COL16A1: variants seen among roughly 807,000 people sequenced by gnomAD.
COL16A1 encodes the protein collagen type XVI alpha 1 chain.
A neutral mutation model predicts 266.3 loss-of-function variants in COL16A1; 189 were observed. That is an observed-to-expected ratio of 0.71 (90% confidence interval 0.63 to 0.80). COL16A1 has a LOEUF of 0.80. COL16A1 is among the 30% of genes least tolerant of loss of function. The pLI is 0.00. For missense variants in COL16A1, 1,928 were observed against 2,122.4 expected, an observed-to-expected ratio of 0.91 and a Z score of 1.80; for synonymous variants, 740 against 782.3, an observed-to-expected ratio of 0.95 and a Z score of 0.90.
chr1:31,698,592 C>T lies in COL16A1; in HGVS notation c.281G>A (p.Arg94Gln). 1 of 1,613,782 alleles carries T rather than the reference C, an allele frequency of 6.2e-7. No individual in the cohort carries two copies. The highest frequency in any genetic ancestry group is 8.5e-7 in the Non-Finnish European group (1 of 1,179,946). ...VTQPTRRVFP[R>Q]GLPEEFALVL... ...CAGGGCAAACTCCTCCGGGAGACCCCGAGGGAATACTCTTCTGGAGATGGA... is the reference window on the plus strand; with the variant it reads ...CAGGGCAAACTCCTCCGGGAGACCCTGAGGGAATACTCTTCTGGAGATGGA... The change falls in exon 5 of 71, where the codon CGG becomes CAG. Residue 94 changes from arginine (R) to glutamine (Q), a missense_variant. Coordinates refer to ENST00000373672, the MANE Select transcript of COL16A1 (RefSeq NM_001856.4). The surrounding 1 kb of genome is among the most constrained non-coding windows in gnomAD (Gnocchi z 4.1).
In COL16A1 at chr1:31,652,631, C is replaced by A; in HGVS notation, c.*20G>T. The A allele has an allele frequency of 1.9e-6, 3 of 1,550,214 alleles. No homozygotes were observed. The highest frequency in any genetic ancestry group is 2.6e-6 in the Non-Finnish European group (3 of 1,153,208). Reference sequence around the variant, plus strand: ...ATTTATTCCCAACGGAGTCTTTCATCCAAAGGCAGGTGGGGAATTTCAGCC... The same window carrying A: ...ATTTATTCCCAACGGAGTCTTTCATACAAAGGCAGGTGGGGAATTTCAGCC... On this transcript the variant is annotated 3_prime_UTR_variant, in exon 71 of 71. Transcript: ENST00000373672. This position sits in a 1 kb window ranked among gnomAD's most constrained non-coding sequence, Gnocchi z 4.8.
intron 46 of COL16A1, 37 bp downstream of exon 46, chr1:31,672,559 T>C: frequency 6.8e-6 from 11 of 1,612,574 alleles, no homozygotes; most frequent in Non-Finnish European, 8.5e-6. Context: ...CTGTGGGGCA[T>C]GGGGCATGAT....
chr1:31,687,254 C>T (rs1432163227), intron 26 of COL16A1, among the ~76,000 whole-genome samples: 5 of 151,998 alleles, frequency 3.3e-5, no homozygotes, highest in South Asian at 2.1e-4. Context: ...TGGTGGTGCA[C>T]GCCTGTAATC....
intron 10 of COL16A1, among the ~76,000 whole-genome samples, chr1:31,695,455 C>T (rs139108060): frequency 6.8e-6 from 1 of 148,056 alleles, no homozygotes; most frequent in African/African-American, 2.5e-5. Context: ...GCAATATGCC[C>T]CAGGTCACAC....
rs775057990 is a variant in COL16A1 at position 31,688,443 on chromosome 1, C to T, written c.1803+24G>A. Reference sequence around the variant, plus strand: ...CTGCCTGCCAAGAAACTCCAGTGTCCCTGACATCTAACCCAGGTCTCACCT... The same window carrying T: ...CTGCCTGCCAAGAAACTCCAGTGTCTCTGACATCTAACCCAGGTCTCACCT... On this transcript the variant is annotated intron_variant, in intron 26 of 70. Transcript: ENST00000373672. The surrounding 1 kb of genome is among the most constrained non-coding windows in gnomAD (Gnocchi z 4.9). The T allele has an allele frequency of 6.2e-7, 1 of 1,614,086 alleles. No homozygotes were observed. The highest frequency in any genetic ancestry group is 8.5e-7 in the Non-Finnish European group (1 of 1,179,966).
chr1:31,685,674 G>C lies in COL16A1; in HGVS notation c.1981C>G (p.Pro661Ala), dbSNP rs750544451. The C allele has an allele frequency of 2.5e-6, 4 of 1,613,858 alleles. No individual in the cohort carries two copies. The African/African-American group carries it at 5.3e-5, about 22-fold the overall frequency. ...LPGPSGEKGE[P>A]GPPGFGLPGK... ...GGCAAGCCAAAGCCTGGAGGCCCAG[G>C]TTCCCCCTTCTCTCCGGATGGGCCA... Residue 661 changes from proline to alanine, a missense_variant, in exon 29 of 71, where the codon CCT becomes GCT. Physicochemically the swap from Pro to Ala is conservative, Grantham distance 27. Transcript: ENST00000373672. The surrounding 1 kb of genome is among the most constrained non-coding windows in gnomAD (Gnocchi z 4.0).
intron 44 of COL16A1, among the ~76,000 whole-genome samples, chr1:31,674,201 T>C (rs1468358013): frequency 2.0e-5 from 3 of 152,050 alleles, no homozygotes; most frequent in African/African-American, 7.2e-5. Context: ...GGGCACTAAT[T>C]AGCCAGTGTC....
intron 1 of COL16A1, among the ~76,000 whole-genome samples, chr1:31,702,766 G>T (rs1156482054): frequency 2.0e-5 from 3 of 152,190 alleles, no homozygotes; most frequent in Non-Finnish European, 2.9e-5. Context: ...GAGATTGTGG[G>T]CCACAGCCTT....
At chr1:31,684,885 T>A in intron 29 of COL16A1, 29 bp from the exon 30 acceptor site, 17 of 1,612,816 alleles carry the variant, frequency 1.1e-5, no homozygotes, top group Non-Finnish European at 1.4e-5. Context: ...CAGCACCCGC[T>A]CACTCATACC....
intron 23 of COL16A1, 109 bp from the exon 24 acceptor site, chr1:31,689,194 C>G (rs1015824179): frequency 1.9e-5 from 29 of 1,550,976 alleles, no homozygotes; most frequent in African/African-American, 2.7e-5. Context: ...CGTCCAAACA[C>G]CTAGGGGTCC....
chr1:31,654,448 C>T (rs1640919907), intron 68 of COL16A1, among the ~76,000 whole-genome samples: 1 of 148,032 alleles, frequency 6.8e-6, no homozygotes, highest in African/African-American at 2.4e-5. Context: ...CAGAAAAAAA[C>T]ACTTCAAATA....
chr1:31,672,304 C>T, intron 47 of COL16A1, 112 bp downstream of exon 47: 1 of 1,237,930 alleles, frequency 8.1e-7, no homozygotes, highest in Non-Finnish European at 1.1e-6. Context: ...AGCAGATGAG[C>T]CCAGAGTGGT....
rs754777869 is a variant in COL16A1, at chr1:31,692,526, A to G, written c.1159-17T>C. 2 of 1,613,836 alleles carry G rather than the reference A, an allele frequency of 1.2e-6. No individual in the cohort carries two copies. Among genetic ancestry groups the G allele is most frequent in the South Asian group, 1.1e-5 (1 of 91,078 alleles). On this transcript the variant is annotated splice_polypyrimidine_tract_variant and intron_variant, in intron 15 of 70. Coordinates refer to ENST00000373672, the MANE Select transcript of COL16A1 (RefSeq NM_001856.4). ...TGAGGGTCCCTGAGATGAGGAAGGG[A>G]GACAGAGGAAGGGAGGGTAAGGCTG...
intron 11 of COL16A1, 116 bp from the exon 12 acceptor site, chr1:31,694,286 G>T: frequency 1.3e-6 from 1 of 761,292 alleles, no homozygotes; most frequent in Non-Finnish European, 2.0e-6. Context: ...CCAGCAGCCT[G>T]TATCCCAGCC....
rs1175619567 is a variant in COL16A1 at position 31,697,712 on chromosome 1, C to T, written c.657+194G>A. 1.3e-5 allele frequency among the ~76,000 whole-genome samples: 2 copies of T among 152,158 alleles called. No individual in the cohort carries two copies. Among genetic ancestry groups the T allele is most frequent in the Non-Finnish European group, 2.9e-5 (2 of 68,026 alleles). ...AGAGATGTAAAGGAAGATGGTGCTG[C>T]AGACACTTATAAGGACCAGATCATG... is the stretch of plus-strand genomic sequence containing the variant. On this transcript the variant is annotated intron_variant, in intron 6 of 70. Transcript: ENST00000373672. This position sits in a 1 kb window ranked among gnomAD's most constrained non-coding sequence, Gnocchi z 4.2.
chr1:31,688,730 G>C lies in COL16A1; in HGVS notation c.1767+131C>G. The C allele has an allele frequency of 1.8e-6, 2 of 1,133,340 alleles. No homozygotes were observed. The highest frequency in any genetic ancestry group is 2.5e-6 in the Non-Finnish European group (2 of 784,876). 70.2% of individuals were successfully genotyped at this position (1,133,340 alleles called of 1,614,324 possible). Reference sequence around the variant, plus strand: ...GACGGAGGGAGGGACCAGGAGACAGGCCTGGGACACCTGCCTCTTCCCCTC... The same window carrying C: ...GACGGAGGGAGGGACCAGGAGACAGCCCTGGGACACCTGCCTCTTCCCCTC... On this transcript the variant is annotated intron_variant, in intron 25 of 70. Transcript: ENST00000373672. This position sits in a 1 kb window ranked among gnomAD's most constrained non-coding sequence, Gnocchi z 4.9.
intron 64 of COL16A1, among the ~76,000 whole-genome samples, chr1:31,658,253 G>T (rs1271358927): frequency 1.3e-5 from 2 of 152,352 alleles, no homozygotes; most frequent in East Asian, 1.9e-4. Flanking sequence ...TCTGCAGAAG[G>T]TTGATGCTGA....
chr1:31,652,703 G>A lies in COL16A1; in HGVS notation c.4763C>T (p.Pro1588Leu), dbSNP rs370680412. 8.6e-5 allele frequency: 138 copies of A among 1,605,936 alleles called. 1 individual carries two copies. In the South Asian group the frequency reaches 1.4e-3, roughly 16 times the overall value. The change falls in exon 71 of 71, where the codon CCG (proline) becomes CTG (leucine). Residue 1588 changes from proline to leucine, a missense_variant. Physicochemically the swap from Pro to Leu is moderately conservative, Grantham distance 98. Transcript: ENST00000373672. The surrounding 1 kb of genome is among the most constrained non-coding windows in gnomAD (Gnocchi z 4.8). ...CNPSDCFGAMPMEQQYPPMKT... is the reference protein window; with the variant it reads ...CNPSDCFGAMLMEQQYPPMKT... The stretch of plus-strand genomic sequence containing the variant: ...CATGGGTGGGTACTGCTGCTCCATC[G>A]GCATGGCCCCAAAGCAGTCAGAGGG...
At chr1:31,660,034 C>G (rs1641518029) in intron 62 of COL16A1, 1 of 150,974 alleles carries the variant, frequency 6.6e-6, no homozygotes, top group Non-Finnish European at 1.5e-5. Flanking sequence ...TGCAGCCAGC[C>G]ACAACAGGGC....
Sources: allele counts gnomAD v4.1 joint callset (sites outside exome capture counted in the v4.1 genomes callset), GRCh38; gene constraint gnomAD v4.1.1; non-coding constraint Gnocchi (gnomAD v3.1); transcripts MANE v1.5; gene names NCBI Gene and HGNC (gene_info 2026-07-23, HGNC 2026-07-21).